The following PACS2 variants were observed in gnomAD, a reference collection of about 807,000 sequenced individuals.
PACS2 encodes the protein PACS1-like protein.
In PACS2, 36 loss-of-function variants were observed where a neutral mutation model predicts 113.0. That is an observed-to-expected ratio of 0.32 (90% confidence interval 0.24 to 0.42). PACS2 has a LOEUF of 0.42. PACS2 is among the 10% of genes least tolerant of loss of function. The probability of loss-of-function intolerance (pLI) is 1.00; values close to 1 mark genes in which losing one functional copy is unlikely to be tolerated. For synonymous variants in PACS2, 589 were observed against 536.1 expected (o/e 1.10, Z -1.36); for missense variants, 1,015 against 1,239.5 (o/e 0.82, Z 2.72).
chr14:105,327,405 G>A (rs1196085057), intron 1 of PACS2, among the ~76,000 whole-genome samples: 4 of 152,232 alleles, frequency 2.6e-5, no homozygotes, highest in African/African-American at 9.7e-5. Context: ...TGGCTCCCGT[G>A]GATAGCTCCT....
upstream of PACS2, among the ~76,000 whole-genome samples, chr14:105,314,046 G>C (rs2058435602): frequency 6.6e-6 from 1 of 152,292 alleles, no homozygotes; most frequent in African/African-American, 2.4e-5. Flanking sequence ...ACGCAAAGAG[G>C]GCGCCCGGGG....
At chr14:105,385,630 G>T (rs1054076285) in intron 18 of PACS2, 55 bp from the exon 19 acceptor site, 33 of 1,314,596 alleles carry the variant, frequency 2.5e-5, no homozygotes, top group Middle Eastern at 3.8e-4. Flanking sequence ...TCCCTGGAGG[G>T]GTCCTGAGGG....
In PACS2 at chr14:105,355,342, C is replaced by T. The variant is rs73359061; in HGVS notation, c.423+165C>T. Among the ~76,000 whole-genome samples, 7,290 of 152,354 alleles carry T rather than the reference C, an allele frequency of 0.048. 624 individuals carry two copies. The highest frequency in any genetic ancestry group is 0.17 in the African/African-American group (6,961 of 41,570). ...CGGGCTCCGCCATAAGGGCCAGGTG[C>T]GGCCCCAGGTGGTGCTTCCTCTCTG... On this transcript the variant is annotated intron_variant, in intron 4 of 24. Coordinates refer to ENST00000447393, the MANE Select transcript of PACS2 (RefSeq NM_001100913.3). This position sits in a 1 kb window ranked among gnomAD's most constrained non-coding sequence, Gnocchi z 4.1.
chr14:105,322,673 T>C (rs925494360), intron 1 of PACS2, among the ~76,000 whole-genome samples: 3 of 152,230 alleles, frequency 2.0e-5, no homozygotes, highest in South Asian at 2.1e-4. Flanking sequence ...CATGTTTATA[T>C]TTATATGATT....
At position 105,376,730 on chromosome 14, in the gene PACS2, T is replaced by C. The variant is rs781800380; in HGVS notation, c.802-38T>C. 6.2e-7 allele frequency: 1 copy of C among 1,601,382 alleles called. No homozygotes were observed. The highest frequency in any genetic ancestry group is 2.3e-5 in the East Asian group (1 of 44,442). On this transcript the variant is annotated intron_variant, in intron 8 of 24. Coordinates refer to ENST00000447393, the MANE Select transcript of PACS2 (RefSeq NM_001100913.3). This position sits in a 1 kb window ranked among gnomAD's most constrained non-coding sequence, Gnocchi z 4.7. ...GCGCCCCCAGTGGGGCAATGTGGGC[T>C]GCTGCAGGGAACTCACGCGTGCCTG...
intron 1 of PACS2, among the ~76,000 whole-genome samples, chr14:105,335,729 C>T (rs1183127217): frequency 9.2e-5 from 14 of 152,248 alleles, no homozygotes; most frequent in Admixed American, 5.9e-4. Flanking sequence ...GAGAAGGCAC[C>T]CTGACCTTCT....
chr14:105,338,595 G>A (rs1486642161), intron 1 of PACS2, among the ~76,000 whole-genome samples: 1 of 152,136 alleles, frequency 6.6e-6, no homozygotes, highest in Non-Finnish European at 1.5e-5. Flanking sequence ...TGACCCTGGA[G>A]GGAGGTCCCC....
In PACS2 at chr14:105,355,270, C is replaced by A; in HGVS notation, c.423+93C>A. 1 of 1,402,642 alleles carries A rather than the reference C, an allele frequency of 7.1e-7. No individual in the cohort carries two copies. Among genetic ancestry groups the A allele is most frequent in the Non-Finnish European group, 9.7e-7 (1 of 1,035,092 alleles). 86.9% of individuals were successfully genotyped at this position (1,402,642 alleles called of 1,614,324 possible). On this transcript the variant is annotated intron_variant, in intron 4 of 24. Transcript: ENST00000447393. The surrounding 1 kb of genome is among the most constrained non-coding windows in gnomAD (Gnocchi z 4.1). Reference sequence around the variant, plus strand: ...GAGATGGAGATGTCTCTCCCGGGTCCAGATGTCCAGGGATCAGGTGAAAAT... The same window carrying A: ...GAGATGGAGATGTCTCTCCCGGGTCAAGATGTCCAGGGATCAGGTGAAAAT...
intron 9 of PACS2, among the ~76,000 whole-genome samples, chr14:105,377,736 T>C (rs989450579): frequency 2.0e-5 from 3 of 152,234 alleles, no homozygotes; most frequent in African/African-American, 4.8e-5. Flanking sequence ...TTGCTGCTCC[T>C]TCAGTTGCCA....
chr14:105,368,111 C>A lies in PACS2; in HGVS notation c.624C>A (p.Ser208=). The A allele has an allele frequency of 6.2e-7, 1 of 1,611,412 alleles. No homozygotes were observed. Residue 208 remains serine, a synonymous_variant, in exon 6 of 25, where the codon TCC becomes TCA. Transcript: ENST00000447393. ...YSEEEYESFS[S]EQEASDDAVQ... is the part of the protein sequence containing the mutation. ...AGGAGGAGTATGAGAGCTTCTCCTC[C>A]GAGCAGGAGGCCAGTGACGACGCCG...
rs2058724076 is a variant in PACS2 at position 105,317,526 on chromosome 14, G to A, written c.119+2489G>A. Among the ~76,000 whole-genome samples the A allele has an allele frequency of 6.6e-6, 1 of 152,214 alleles. No homozygotes were observed. Among genetic ancestry groups the A allele is most frequent in the African/African-American group, 2.4e-5 (1 of 41,460 alleles). On this transcript the variant is annotated intron_variant, in intron 1 of 24. Transcript: ENST00000447393. The surrounding 1 kb of genome is among the most constrained non-coding windows in gnomAD (Gnocchi z 4.2). The stretch of plus-strand genomic sequence containing the variant: ...TTTTTGCCAGTCTGGTGGGTGTGAA[G>A]TGGTATCGTGGTTTTAACTTGAATT...
At chr14:105,333,005 G>A (rs1356280962) in intron 1 of PACS2, among the ~76,000 whole-genome samples, 2 of 152,138 alleles carry the variant, frequency 1.3e-5, no homozygotes, top group African/African-American at 2.4e-5. Flanking sequence ...GGGCTGCGTC[G>A]TGGTTTCTCC....
chr14:105,353,990 A>T (rs1173000614), intron 3 of PACS2, among the ~76,000 whole-genome samples: 1 of 151,806 alleles, frequency 6.6e-6, no homozygotes, highest in Admixed American at 6.6e-5. Context: ...GGTAGGTGGC[A>T]GGAGAATCGC....
At chr14:105,332,691 G>A (rs1212512267) in intron 1 of PACS2, among the ~76,000 whole-genome samples, 1 of 152,174 alleles carries the variant, frequency 6.6e-6, no homozygotes, top group East Asian at 1.9e-4. Context: ...TCCTCTCGTG[G>A]GCGGTCCAAG....
At chr14:105,388,023 G>T (rs182322165) in intron 19 of PACS2, among the ~76,000 whole-genome samples, 1 of 152,234 alleles carries the variant, frequency 6.6e-6, no homozygotes, top group African/African-American at 2.4e-5. Context: ...CCAGGAGGCC[G>T]CCCTGAGGCA....
chr14:105,371,746 A>G (rs2061163441), intron 8 of PACS2: 1 of 152,362 alleles, frequency 6.6e-6, no homozygotes, highest in South Asian at 2.1e-4. Flanking sequence ...GATTACAGCC[A>G]TCTGAGATTG....
At chr14:105,333,148 C>T (rs587768912) in intron 1 of PACS2, among the ~76,000 whole-genome samples, 1 of 152,314 alleles carries the variant, frequency 6.6e-6, no homozygotes, top group Non-Finnish European at 1.5e-5. Context: ...CACACACACC[C>T]ATGCACGCGT....
At chr14:105,359,833 C>T (rs781899236) in intron 4 of PACS2, among the ~76,000 whole-genome samples, 3 of 152,158 alleles carry the variant, frequency 2.0e-5, no homozygotes, top group Non-Finnish European at 4.4e-5. Context: ...CCTCGCGATC[C>T]GCCCACCTTG....
chr14:105,348,617 T>C lies in PACS2; in HGVS notation c.207+37T>C. The C allele has an allele frequency of 7.0e-7, 1 of 1,436,888 alleles. No individual in the cohort carries two copies. Among genetic ancestry groups the C allele is most frequent in the Middle Eastern group, 1.7e-4 (1 of 5,718 alleles). The allele number at this position is 1,436,888 out of a possible 1,614,324, so 89.0% of individuals were successfully genotyped here. ...TGTGACCCCGGCTGTGGCTGGGTGC[T>C]GTGTAGGCTTTCCATGTGCCTGGGA... On this transcript the variant is annotated intron_variant, in intron 2 of 24. Transcript: ENST00000447393. The surrounding 1 kb of genome is among the most constrained non-coding windows in gnomAD (Gnocchi z 6.4).
Sources: gnomAD v4.1 joint callset for allele counts (sites outside exome capture counted in the v4.1 genomes callset) on GRCh38, gnomAD v4.1.1 for gene constraint, Gnocchi (gnomAD v3.1) non-coding constraint, MANE v1.5 for transcripts, NCBI Gene and HGNC (gene_info 2026-07-23, HGNC 2026-07-21) for gene names.